Variants in OSBPL6 observed in about 807,000 individuals in gnomAD.
The protein encoded by OSBPL6 is oxysterol-binding protein-related protein 6.
A neutral mutation model predicts 125.8 loss-of-function variants in OSBPL6; 49 were observed. The ratio of observed to expected loss-of-function variants is 0.39; its 90% CI spans 0.31 to 0.49. The LOEUF is 0.49. Among genes scored for constraint, OSBPL6 ranks in the 20% least tolerant of loss-of-function variants. The pLI, the probability that OSBPL6 is intolerant of heterozygous loss-of-function variation, is 0.88. For synonymous variants in OSBPL6, 394 were observed against 391.8 expected (o/e 1.01, Z -0.07); for missense variants, 986 against 1,135.4 (o/e 0.87, Z 1.89).
At chr2:178,241,208 G>T (rs1037740857) in intron 1 of OSBPL6, among the ~76,000 whole-genome samples, 1 of 151,672 alleles carries the variant, frequency 6.6e-6, no homozygotes, top group African/African-American at 2.4e-5. Flanking sequence ...TGGACTCCTG[G>T]GTTCAAGCAA....
chr2:178,290,383 T>TA (rs968323467), intron 2 of OSBPL6, among the ~76,000 whole-genome samples: 65 of 151,902 alleles, frequency 4.3e-4, no homozygotes, highest in African/African-American at 1.5e-3. Context: ...TTCAAGGATT[T>TA]AAAAAAATAT....
chr2:178,265,819 C>A (rs2092215051), intron 1 of OSBPL6, among the ~76,000 whole-genome samples: 1 of 152,146 alleles, frequency 6.6e-6, no homozygotes, highest in African/African-American at 2.4e-5. Flanking sequence ...TTTCCCTCCC[C>A]ACTTTGTTCT....
chr2:178,373,144 G>A (rs1291047945), intron 14 of OSBPL6, among the ~76,000 whole-genome samples: 1 of 152,156 alleles, frequency 6.6e-6, no homozygotes, highest in African/African-American at 2.4e-5. Flanking sequence ...TTTGACTTAA[G>A]TTTTCCACCC....
chr2:178,378,156 C>T (rs1409377190), intron 15 of OSBPL6, among the ~76,000 whole-genome samples: 1 of 152,076 alleles, frequency 6.6e-6, no homozygotes, highest in Non-Finnish European at 1.5e-5. Flanking sequence ...TCCCTCTTTC[C>T]TCATTTTTTT....
At chr2:178,281,305 G>T (rs994571788) in intron 1 of OSBPL6, among the ~76,000 whole-genome samples, 3 of 152,002 alleles carry the variant, frequency 2.0e-5, no homozygotes, top group Admixed American at 6.6e-5. Flanking sequence ...GAGCCACCGT[G>T]CCCGGCCGCT....
intron 1 of OSBPL6, among the ~76,000 whole-genome samples, chr2:178,243,207 G>A (rs2091358419): frequency 6.6e-6 from 1 of 152,136 alleles, no homozygotes. Flanking sequence ...CCTTGACATG[G>A]GAGTGGAAGA....
chr2:178,401,646 G>C lies in OSBPL6; in HGVS notation c.*6087G>C, dbSNP rs1270209127. On this transcript the variant is annotated 3_prime_UTR_variant, in exon 25 of 25. Coordinates refer to ENST00000190611, the MANE Select transcript of OSBPL6 (RefSeq NM_032523.4). ...GAAAAAAGTAGGTTCTCTAACTGGG[G>C]CAGGGATCTTGCTTCTTGGGGGCAT... The C allele has an allele frequency of 1.3e-5, 2 of 152,186 alleles. No homozygotes were observed. Among genetic ancestry groups the C allele is most frequent in the African/African-American group, 2.4e-5 (1 of 41,442 alleles). The allele number at this position is 152,186 out of a possible 1,614,324, so 9.4% of individuals were successfully genotyped here.
intron 5 of OSBPL6, among the ~76,000 whole-genome samples, chr2:178,329,908 C>T (rs1689049333): frequency 6.6e-6 from 1 of 152,188 alleles, no homozygotes; most frequent in Admixed American, 6.5e-5. Flanking sequence ...CTTGAGGAAA[C>T]ATTTTATGTG....
chr2:178,370,138 A>C (rs986757286), intron 13 of OSBPL6, among the ~76,000 whole-genome samples: 3 of 152,032 alleles, frequency 2.0e-5, no homozygotes, highest in Non-Finnish European at 2.9e-5. Flanking sequence ...GGTGGTGCAT[A>C]CCTGTAATCC....
At chr2:178,281,308 C>T (rs758925921) in intron 1 of OSBPL6, among the ~76,000 whole-genome samples, 18 of 152,116 alleles carry the variant, frequency 1.2e-4, no homozygotes, top group Admixed American at 2.6e-4. Flanking sequence ...CCACCGTGCC[C>T]GGCCGCTTTT....
At chr2:178,253,861 G>A (rs1406712816) in intron 1 of OSBPL6, among the ~76,000 whole-genome samples, 2 of 152,184 alleles carry the variant, frequency 1.3e-5, no homozygotes, top group African/African-American at 2.4e-5. Context: ...GGGCCTTTAA[G>A]AGGTGATTGA....
intron 16 of OSBPL6, chr2:178,382,813 G>C: frequency 2.1e-6 from 3 of 1,396,644 alleles, no homozygotes; most frequent in Non-Finnish European, 1.9e-6. Flanking sequence ...ATATTTGAGT[G>C]TATCTAATGC....
At chr2:178,196,999 C>G (rs1400693605) in intron 1 of OSBPL6, among the ~76,000 whole-genome samples, 1 of 150,768 alleles carries the variant, frequency 6.6e-6, no homozygotes, top group Non-Finnish European at 1.5e-5. Context: ...TGTCTTATAA[C>G]GCAGTATGTT....
chr2:178,335,186 T>C (rs376766815), intron 8 of OSBPL6, among the ~76,000 whole-genome samples: 3 of 152,044 alleles, frequency 2.0e-5, no homozygotes, highest in South Asian at 2.1e-4. Context: ...TTATCTCTTA[T>C]TTATTAAATT....
intron 12 of OSBPL6, among the ~76,000 whole-genome samples, chr2:178,358,259 C>T (rs919954577): frequency 6.6e-6 from 1 of 152,016 alleles, no homozygotes; most frequent in South Asian, 2.1e-4. Context: ...AAATAAAATT[C>T]ACATGGAACC....
intron 9 of OSBPL6, among the ~76,000 whole-genome samples, chr2:178,337,442 C>T (rs922073967): frequency 6.6e-6 from 1 of 152,174 alleles, no homozygotes; most frequent in Non-Finnish European, 1.5e-5. Context: ...GAGATACTCA[C>T]ATCCCAGACT....
At chr2:178,278,534 A>G (rs1422371650) in intron 1 of OSBPL6, among the ~76,000 whole-genome samples, 2 of 152,246 alleles carry the variant, frequency 1.3e-5, no homozygotes, top group African/African-American at 4.8e-5. Flanking sequence ...GATATGTAGT[A>G]ACATTAATGA....
chr2:178,300,155 A>C (rs932466053), intron 2 of OSBPL6, among the ~76,000 whole-genome samples: 1 of 152,232 alleles, frequency 6.6e-6, no homozygotes, highest in African/African-American at 2.4e-5. Flanking sequence ...GACAAACCTT[A>C]TCTTCACTTA....
chr2:178,269,908 C>T (rs190190444), intron 1 of OSBPL6, among the ~76,000 whole-genome samples: 1 of 152,336 alleles, frequency 6.6e-6, no homozygotes, highest in East Asian at 1.9e-4. Context: ...TTATCACTTG[C>T]CAGGTTCATG....
Sources: allele counts gnomAD v4.1 joint callset (sites outside exome capture counted in the v4.1 genomes callset), GRCh38; gene constraint gnomAD v4.1.1; transcripts MANE v1.5; gene names NCBI Gene and HGNC (gene_info 2026-07-23, HGNC 2026-07-21).